The following DENND1A variants were observed in gnomAD, a reference collection of about 807,000 sequenced individuals.
DENND1A encodes DENN domain-containing protein 1A.
A neutral mutation model predicts 113.7 loss-of-function variants in DENND1A; 51 were observed. The observed-to-expected ratio is 0.45, with a 90% CI of 0.36 to 0.57. The LOEUF (loss-of-function observed/expected upper bound fraction) is 0.57. Among genes scored for constraint, DENND1A ranks in the 20% least tolerant of loss-of-function variants. DENND1A has a pLI of 0.00. For synonymous variants in DENND1A, 565 were observed against 570.8 expected, an observed-to-expected ratio of 0.99 and a Z score of 0.14; for missense variants, 1,258 against 1,395.9, an observed-to-expected ratio of 0.90 and a Z score of 1.57.
chr9:123,711,810 T>A lies in DENND1A; in HGVS notation c.303-35021A>T, dbSNP rs965112804. 2.6e-5 allele frequency among the ~76,000 whole-genome samples: 4 copies of A among 152,102 alleles called. No individual in the cohort carries two copies. In the East Asian group the frequency reaches 7.7e-4, roughly 29 times the overall value. ...TCCCAAATCTGAAACTAGTTTCTTA[T>A]CCTTGGTGTTCATTCATCTTACGGC... is the stretch of plus-strand genomic sequence containing the variant. On this transcript the variant is annotated intron_variant, in intron 5 of 23. Transcript: ENST00000394215.
intron 9 of DENND1A, among the ~76,000 whole-genome samples, chr9:123,647,937 T>C (rs1203210021): frequency 1.3e-5 from 2 of 152,232 alleles, no homozygotes; most frequent in Non-Finnish European, 2.9e-5. Flanking sequence ...AGGAGTAGAA[T>C]TGCTGAGTGA....
chr9:123,695,233 A>G (rs74349113), intron 5 of DENND1A, among the ~76,000 whole-genome samples: 3,991 of 152,138 alleles, frequency 0.026, 59 homozygotes, highest in Middle Eastern at 0.034. Context: ...TGGAGAAACA[A>G]AAGTTCTCTA....
intron 18 of DENND1A, among the ~76,000 whole-genome samples, chr9:123,446,731 C>T (rs1462923017): frequency 1.3e-5 from 2 of 151,986 alleles, no homozygotes; most frequent in Non-Finnish European, 2.9e-5. Context: ...GCGGGAGGAT[C>T]CCTTGAGCCT....
chr9:123,504,470 G>A (rs981065827), intron 13 of DENND1A, among the ~76,000 whole-genome samples: 2 of 152,220 alleles, frequency 1.3e-5, no homozygotes, highest in African/African-American at 4.8e-5. Context: ...GGAGCCACTG[G>A]AAAATGACAG....
Position 123,393,869 on chromosome 9 carries a change from G to A in DENND1A, c.1632-6011C>T, listed in dbSNP as rs562715649. ...TTTAGGGGAGGTGGGAGAGATGGGTGAGTGTGAGATACCAGGTCCTTCCCG... is the reference window on the plus strand; with the variant it reads ...TTTAGGGGAGGTGGGAGAGATGGGTAAGTGTGAGATACCAGGTCCTTCCCG... On this transcript the variant is annotated intron_variant, in intron 21 of 23. Transcript: ENST00000394215. 3.4e-4 allele frequency among the ~76,000 whole-genome samples: 52 copies of A among 152,336 alleles called. No individual in the cohort carries two copies. In the South Asian group the frequency reaches 7.0e-3, roughly 21 times the overall value.
chr9:123,682,411 T>C (rs1334998649), intron 5 of DENND1A, among the ~76,000 whole-genome samples: 7 of 152,180 alleles, frequency 4.6e-5, no homozygotes, highest in Non-Finnish European at 8.8e-5. Context: ...GACTTGCTAC[T>C]GTCTGAGGAG....
chr9:123,441,383 C>T (rs955738349), intron 18 of DENND1A, among the ~76,000 whole-genome samples: 3 of 152,156 alleles, frequency 2.0e-5, no homozygotes, highest in Non-Finnish European at 4.4e-5. Flanking sequence ...CTTCTTACCC[C>T]TCATCTTTCT....
At chr9:123,845,002 T>C (rs1473771243) in intron 2 of DENND1A, among the ~76,000 whole-genome samples, 1 of 152,160 alleles carries the variant, frequency 6.6e-6, no homozygotes, top group Non-Finnish European at 1.5e-5. Flanking sequence ...ACAGATCACT[T>C]GAAGCCAGTA....
At chr9:123,393,996 C>CTT (rs10665358) in intron 21 of DENND1A, among the ~76,000 whole-genome samples, 4,565 of 145,206 alleles carry the variant, frequency 0.031, 263 homozygotes, top group East Asian at 0.18. Context: ...GGGAGCCAGA[C>CTT]TTTTTTTTTT....
chr9:123,808,390 T>C (rs1352560617), intron 2 of DENND1A, among the ~76,000 whole-genome samples: 1 of 151,874 alleles, frequency 6.6e-6, no homozygotes, highest in Non-Finnish European at 1.5e-5. Context: ...TTTGCTTTTT[T>C]TTTTTTTTTT....
intron 1 of DENND1A, among the ~76,000 whole-genome samples, chr9:123,915,139 G>A (rs575303045): frequency 6.6e-6 from 1 of 152,114 alleles, no homozygotes; most frequent in Non-Finnish European, 1.5e-5. Flanking sequence ...ATAATTTGCT[G>A]TTTTGTACAA....
At chr9:123,489,272 GGAGA>G (rs1252808583) in intron 13 of DENND1A, among the ~76,000 whole-genome samples, 6 of 152,180 alleles carry the variant, frequency 3.9e-5, no homozygotes, top group Non-Finnish European at 8.8e-5. Context: ...GGAGAGTAAG[GGAGA>G]GAGAGTTTAG....
intron 9 of DENND1A, among the ~76,000 whole-genome samples, chr9:123,634,936 A>G (rs561389152): frequency 8.5e-5 from 13 of 152,208 alleles, no homozygotes; most frequent in African/African-American, 1.9e-4. Flanking sequence ...TCTGTCCTCA[A>G]TTAAAGGTGC....
At chr9:123,652,256 C>G (rs1391203033) in intron 8 of DENND1A, 133 bp from the exon 9 acceptor site, 1 of 743,534 alleles carries the variant, frequency 1.3e-6, no homozygotes, top group East Asian at 2.8e-5. Context: ...TTTCTTTCTA[C>G]CTGGGAGGCC....
At chr9:123,520,176 G>T (rs1016838431) in intron 13 of DENND1A, among the ~76,000 whole-genome samples, 3 of 128,814 alleles carry the variant, frequency 2.3e-5, no homozygotes, top group African/African-American at 3.2e-5. Flanking sequence ...AAAAAAAAAG[G>T]CCACCTGTGG....
chr9:123,699,600 A>T (rs2065748233), intron 5 of DENND1A, among the ~76,000 whole-genome samples: 1 of 150,796 alleles, frequency 6.6e-6, no homozygotes, highest in Non-Finnish European at 1.5e-5. Context: ...AAGTGATTTC[A>T]TCCAAAACTC....
At chr9:123,712,616 G>A (rs1161032155) in intron 5 of DENND1A, among the ~76,000 whole-genome samples, 1 of 152,162 alleles carries the variant, frequency 6.6e-6, no homozygotes, top group Non-Finnish European at 1.5e-5. Context: ...CATAGACCAG[G>A]CACCAGATGT....
At chr9:123,455,845 C>T (rs1221648391) in intron 15 of DENND1A, among the ~76,000 whole-genome samples, 3 of 152,190 alleles carry the variant, frequency 2.0e-5, no homozygotes, top group African/African-American at 4.8e-5. Context: ...ACAACTCCAG[C>T]CCAGCCTCCT....
intron 2 of DENND1A, among the ~76,000 whole-genome samples, chr9:123,830,873 GAAAAAAAAAAA>G (rs71390447): frequency 1.3e-4 from 5 of 39,312 alleles, no homozygotes; most frequent in Admixed American, 4.7e-4. Context: ...TCTCAAAAAT[GAAAAAAAAAAA>G]AAAAAAAAAA....
Sources: allele counts gnomAD v4.1 joint callset (sites outside exome capture counted in the v4.1 genomes callset), GRCh38; gene constraint gnomAD v4.1.1; transcripts MANE v1.5; gene names NCBI Gene and HGNC (gene_info 2026-07-23, HGNC 2026-07-21).